MSI2: variants seen among roughly 807,000 people sequenced by gnomAD.
The protein encoded by MSI2 is musashi RNA binding protein 2.
Under a neutral mutation model 45.6 loss-of-function variants are expected in MSI2, and 17 were observed. That is an observed-to-expected ratio of 0.37 (90% confidence interval 0.26 to 0.56). The LOEUF is 0.56. Among genes scored for constraint, MSI2 ranks in the 20% least tolerant of loss-of-function variants. The pLI, the probability that MSI2 is intolerant of heterozygous loss-of-function variation, is 0.77. For synonymous variants in MSI2, 156 were observed against 158.2 expected, an observed-to-expected ratio of 0.99 and a Z score of 0.11; for missense variants, 293 against 444.2, an observed-to-expected ratio of 0.66 and a Z score of 3.06.
chr17:57,400,102 T>C (rs1231798372), intron 5 of MSI2, among the ~76,000 whole-genome samples: 1 of 152,206 alleles, frequency 6.6e-6, no homozygotes, highest in Non-Finnish European at 1.5e-5. Flanking sequence ...CCCTCACCCA[T>C]CAAATTCTAC....
intron 5 of MSI2, among the ~76,000 whole-genome samples, chr17:57,339,609 G>A (rs1272711735): frequency 2.6e-5 from 4 of 151,976 alleles, no homozygotes; most frequent in Admixed American, 6.6e-5. Context: ...TCAGCCTTTC[G>A]TTTCACACCC....
chr17:57,519,578 A>G (rs1436667949), intron 6 of MSI2, among the ~76,000 whole-genome samples: 3 of 151,888 alleles, frequency 2.0e-5, no homozygotes, highest in African/African-American at 7.3e-5. Context: ...GAGACCCAAT[A>G]TCCTCCTCTT....
intron 6 of MSI2, among the ~76,000 whole-genome samples, chr17:57,416,758 G>A (rs1300393846): frequency 6.6e-6 from 1 of 152,178 alleles, no homozygotes; most frequent in African/African-American, 2.4e-5. Context: ...CCTGGGGTTG[G>A]GGGGCTGGAC....
intron 7 of MSI2, among the ~76,000 whole-genome samples, chr17:57,576,394 G>A (rs1035673528): frequency 6.6e-6 from 1 of 152,220 alleles, no homozygotes; most frequent in Non-Finnish European, 1.5e-5. Flanking sequence ...AATGTTTGTT[G>A]TAGGAATAGA....
intron 6 of MSI2, among the ~76,000 whole-genome samples, chr17:57,487,003 A>C (rs538124841): frequency 1.3e-5 from 2 of 152,082 alleles, no homozygotes; most frequent in East Asian, 3.9e-4. Flanking sequence ...AAGAGAAAAA[A>C]CCCAGCCAAG....
intron 5 of MSI2, among the ~76,000 whole-genome samples, chr17:57,396,422 C>CACAG (rs1317047375): frequency 1.3e-5 from 2 of 151,310 alleles, no homozygotes; most frequent in Non-Finnish European, 2.9e-5. Context: ...ACCACACACA[C>CACAG]ACACACACAC....
chr17:57,517,669 C>G (rs1373666781), intron 6 of MSI2, among the ~76,000 whole-genome samples: 1 of 152,160 alleles, frequency 6.6e-6, no homozygotes, highest in African/African-American at 2.4e-5. Context: ...ACATGCACTC[C>G]AAGATCTGGC....
At chr17:57,626,607 G>T (rs1908832635) in intron 9 of MSI2, 1 of 152,520 alleles carries the variant, frequency 6.6e-6, no homozygotes, top group Non-Finnish European at 1.5e-5. Flanking sequence ...CACGGCACGG[G>T]GCTCCTGAGT....
intron 6 of MSI2, among the ~76,000 whole-genome samples, chr17:57,440,467 T>TGTGTGTGTGTGTGTG (rs2084779162): frequency 5.7e-5 from 8 of 140,278 alleles, no homozygotes; most frequent in East Asian, 4.1e-4. Context: ...TGTGTGTGTG[T>TGTGTGTGTGTGTGTG]AGCGTGGCTG....
intron 7 of MSI2, among the ~76,000 whole-genome samples, chr17:57,563,585 A>G (rs562292304): frequency 4.4e-4 from 67 of 152,256 alleles, no homozygotes; most frequent in African/African-American, 1.6e-3. Flanking sequence ...ATGACATTGG[A>G]TAAAGCACAA....
chr17:57,674,987 G>A lies in MSI2; in HGVS notation c.806G>A (p.Arg269Gln), dbSNP rs200547992. 5.6e-6 allele frequency: 9 copies of A among 1,613,352 alleles called. No homozygotes were observed. The highest frequency in any genetic ancestry group is 2.2e-5 in the South Asian group (2 of 91,036). Residue 269 changes from arginine (R) to glutamine (Q), a missense_variant, in exon 12 of 14, where the codon CGG becomes CAG. By Grantham distance (43) the Arg-to-Gln change is conservative (BLOSUM62 1). Coordinates refer to ENST00000284073, the MANE Select transcript of MSI2 (RefSeq NM_138962.4). ...AARGSGSNPA[R>Q]PGGFPGANSP... ...TCCCCGGCAGGCTCCAACCCGGCGC[G>A]GCCCGGAGGCTTCCCGGGGGCCAAC... is the stretch of plus-strand genomic sequence containing the variant.
At chr17:57,656,487 G>A (rs781499009) in intron 11 of MSI2, among the ~76,000 whole-genome samples, 2 of 152,192 alleles carry the variant, frequency 1.3e-5, no homozygotes, top group Non-Finnish European at 2.9e-5. Context: ...AGGGATACGG[G>A]TCTATGTGGC....
intron 7 of MSI2, among the ~76,000 whole-genome samples, chr17:57,532,899 A>G (rs537640842): frequency 2.1e-4 from 32 of 151,996 alleles, no homozygotes; most frequent in African/African-American, 7.5e-4. Flanking sequence ...TGGGGCCTCA[A>G]CTCATCCTTA....
At chr17:57,585,582 A>G (rs866322240) in intron 7 of MSI2, among the ~76,000 whole-genome samples, 7 of 152,190 alleles carry the variant, frequency 4.6e-5, no homozygotes, top group Non-Finnish European at 8.8e-5. Context: ...CATTAAGTAG[A>G]TTGAAACTCC....
intron 11 of MSI2, among the ~76,000 whole-genome samples, chr17:57,658,501 C>G (rs988311812): frequency 1.3e-5 from 2 of 152,204 alleles, no homozygotes; most frequent in African/African-American, 4.8e-5. Context: ...ATGCTGACAG[C>G]TGCCCGCTGC....
At chr17:57,333,385 T>C (rs2143742857) in intron 5 of MSI2, among the ~76,000 whole-genome samples, 1 of 152,260 alleles carries the variant, frequency 6.6e-6, no homozygotes, top group Non-Finnish European at 1.5e-5. Flanking sequence ...CTCTGACTTT[T>C]TTACAGATTA....
intron 8 of MSI2, among the ~76,000 whole-genome samples, chr17:57,607,838 G>A (rs910574890): frequency 6.7e-6 from 1 of 150,256 alleles, no homozygotes; most frequent in African/African-American, 2.5e-5. Flanking sequence ...CTTGGTGAAA[G>A]CAGGTGCAAG....
intron 11 of MSI2, among the ~76,000 whole-genome samples, chr17:57,662,301 C>T (rs1912047966): frequency 6.6e-6 from 1 of 152,000 alleles, no homozygotes; most frequent in Non-Finnish European, 1.5e-5. Context: ...TAAGAGGGTT[C>T]CAGGGGAAGG....
At position 57,531,039 on chromosome 17, in the gene MSI2, C is replaced by T. The variant is rs75840740; in HGVS notation, c.454+1315C>T. Among the ~76,000 whole-genome samples, 376 of 152,100 alleles carry T rather than the reference C, an allele frequency of 2.5e-3. 9 individuals are homozygous for T. Among genetic ancestry groups the T allele is most frequent in the East Asian group, 0.019 (100 of 5,162 alleles). On this transcript the variant is annotated intron_variant, in intron 7 of 13. Coordinates refer to ENST00000284073, the MANE Select transcript of MSI2 (RefSeq NM_138962.4). ...GAGGGGCATGCAGGTGTGGAATGATCGATTTTGTCCACTGCATTGCTGGGG... is the reference window on the plus strand; with the variant it reads ...GAGGGGCATGCAGGTGTGGAATGATTGATTTTGTCCACTGCATTGCTGGGG...
Sources: gnomAD v4.1 joint callset for allele counts (sites outside exome capture counted in the v4.1 genomes callset) on GRCh38, gnomAD v4.1.1 for gene constraint, MANE v1.5 for transcripts, NCBI Gene and HGNC (gene_info 2026-07-23, HGNC 2026-07-21) for gene names.